HSPA14: variants seen among roughly 807,000 people sequenced by gnomAD.
The protein encoded by HSPA14 is heat shock protein family A (Hsp70) member 14.
HSPA14 carries 37 observed loss-of-function variants against 65.5 expected under a neutral mutation model. The observed-to-expected ratio is 0.56, with a 90% CI of 0.43 to 0.74. HSPA14 has a LOEUF of 0.74. Among genes scored for constraint, HSPA14 ranks in the 30% least tolerant of loss-of-function variants. The pLI is 0.00. For synonymous variants in HSPA14, 203 were observed against 214.2 expected (o/e 0.95, Z 0.46); for missense variants, 564 against 607.6 (o/e 0.93, Z 0.75).
intron 10 of HSPA14, among the ~76,000 whole-genome samples, chr10:14,860,787 G>T (rs750342614): frequency 3.3e-5 from 5 of 152,102 alleles, no homozygotes; most frequent in Non-Finnish European, 7.4e-5. Flanking sequence ...GGGGAGAGGG[G>T]TCTGGGCTGG....
At chr10:14,858,598 A>G (rs974947436) in intron 10 of HSPA14, among the ~76,000 whole-genome samples, 2 of 152,134 alleles carry the variant, frequency 1.3e-5, no homozygotes, top group Admixed American at 6.5e-5. Flanking sequence ...TGGGCCTTCG[A>G]TTAGATAGGT....
chr10:14,844,963 T>C (rs1051344130), intron 3 of HSPA14: 1 of 985,348 alleles, frequency 1.0e-6, no homozygotes, highest in Admixed American at 6.1e-5. Context: ...TCCTCAGATG[T>C]TGTAGACAGA....
chr10:14,856,854 A>C (rs927306998), intron 10 of HSPA14, among the ~76,000 whole-genome samples: 1 of 152,172 alleles, frequency 6.6e-6, no homozygotes, highest in Non-Finnish European at 1.5e-5. Context: ...GCAAGACCCC[A>C]TCTCACAAAT....
Position 14,842,410 on chromosome 10 carries a change from C to CT in HSPA14, c.221+2254dup. ...AGACTGTGCATCACAATGCAGATGT[C>CT]TATCAGGCTGTGTCTAAGCGAATGC... is the stretch of plus-strand genomic sequence containing the variant. On this transcript the variant is annotated intron_variant, in intron 3 of 13. Transcript: ENST00000378372. The surrounding 1 kb of genome is among the most constrained non-coding windows in gnomAD (Gnocchi z 5.2). 6.5e-7 allele frequency: 1 copy of CT among 1,536,186 alleles called. No homozygotes were observed. The highest frequency in any genetic ancestry group is 8.7e-7 in the Non-Finnish European group (1 of 1,146,918).
intron 10 of HSPA14, among the ~76,000 whole-genome samples, chr10:14,863,092 AGC>A (rs1832770626): frequency 6.6e-6 from 1 of 152,212 alleles, no homozygotes; most frequent in East Asian, 1.9e-4. Context: ...TGTATCTTAA[AGC>A]TATATAATGA....
chr10:14,842,141 T>C lies in HSPA14; in HGVS notation c.221+1984T>C, dbSNP rs1423978430. ...TCCCCTGTGGCCTTCCAGCCAGAAA[T>C]GCGGTCCTTGGACCTGGCTTCTCAG... On this transcript the variant is annotated intron_variant, in intron 3 of 13. Transcript: ENST00000378372. This position sits in a 1 kb window ranked among gnomAD's most constrained non-coding sequence, Gnocchi z 5.2. 2.0e-6 allele frequency: 3 copies of C among 1,534,154 alleles called. No individual in the cohort carries two copies. In the South Asian group the frequency reaches 3.6e-5, roughly 18 times the overall value.
rs766438111 is a variant in HSPA14 at position 14,871,637 on chromosome 10, CAAG to C, written c.*34_*36del. The C allele has an allele frequency of 8.6e-7, 1 of 1,167,982 alleles. No homozygotes were observed. Among genetic ancestry groups the C allele is most frequent in the Admixed American group, 2.1e-5 (1 of 47,080 alleles). 72.4% of individuals were successfully genotyped at this position (1,167,982 alleles called of 1,614,324 possible). ...TAGAGAAATCAAGAATTTTTAAAAA[CAAG>C]AATATCAACATTTGGTTTTGTGTAT... On this transcript the variant is annotated 3_prime_UTR_variant, in exon 14 of 14. Transcript: ENST00000378372.
intron 5 of HSPA14, 89 bp from the exon 6 acceptor site, chr10:14,849,632 T>G: frequency 9.5e-7 from 1 of 1,051,910 alleles, no homozygotes. Context: ...ATATGTTAAG[T>G]GAGATCTTTG....
intron 3 of HSPA14, chr10:14,844,724 A>G (rs1834024957): frequency 5.2e-6 from 5 of 964,186 alleles, no homozygotes; most frequent in Non-Finnish European, 4.9e-6. Flanking sequence ...AAAATATTAA[A>G]TATATGTAAA....
chr10:14,843,524 C>T (rs1834002556), intron 3 of HSPA14: 3 of 1,550,570 alleles, frequency 1.9e-6, no homozygotes, highest in Non-Finnish European at 1.7e-6. Context: ...GGGGTAGCCT[C>T]CACACCGCAG....
Position 14,854,182 on chromosome 10 carries a change from T to A in HSPA14, c.792T>A (p.Ser264Arg). 1 of 1,613,768 alleles carries A rather than the reference T, an allele frequency of 6.2e-7. No individual in the cohort carries two copies. The highest frequency in any genetic ancestry group is 1.7e-5 in the Admixed American group (1 of 59,916). The change falls in exon 9 of 14, where the codon AGT (serine) becomes AGA (arginine). Residue 264 changes from serine to arginine, a missense_variant. Coordinates refer to ENST00000378372, the MANE Select transcript of HSPA14 (RefSeq NM_016299.4). Reference protein sequence around the residue: ...NARAMMKLTNSAEVAKHSLST... With the variant: ...NARAMMKLTNRAEVAKHSLST... ...GAGCCATGATGAAATTAACGAACAG[T>A]GCTGAAGTAGCGAAACATTCTTTGT...
chr10:14,866,689 G>T (rs1287099635), intron 10 of HSPA14, among the ~76,000 whole-genome samples: 1 of 151,984 alleles, frequency 6.6e-6, no homozygotes, highest in East Asian at 1.9e-4. Flanking sequence ...AGCAATATTT[G>T]TCACAAAAAT....
intron 3 of HSPA14, chr10:14,846,790 C>T: frequency 1.0e-6 from 1 of 985,384 alleles, no homozygotes; most frequent in Non-Finnish European, 1.2e-6. Context: ...GTGTGCCAAG[C>T]CCGTGGGCTG....
At chr10:14,860,844 C>A (rs994934873) in intron 10 of HSPA14, among the ~76,000 whole-genome samples, 2 of 152,054 alleles carry the variant, frequency 1.3e-5, no homozygotes, top group African/African-American at 4.8e-5. Context: ...TGAAACTGGA[C>A]AGGTGTACCC....
At chr10:14,843,848 G>A in intron 3 of HSPA14, 2 of 1,536,378 alleles carry the variant, frequency 1.3e-6, no homozygotes, top group Admixed American at 3.9e-5. Flanking sequence ...TTTCAGCTAG[G>A]CCTTGAAAAA....
intron 6 of HSPA14, 57 bp downstream of exon 6, chr10:14,849,868 A>C: frequency 9.8e-7 from 1 of 1,023,584 alleles, no homozygotes. Flanking sequence ...AAGTCACTAT[A>C]TAGTAAAAGG....
Position 14,870,396 on chromosome 10 carries a change from T to C in HSPA14, c.1381-201T>C, listed in dbSNP as rs111785537. Among the ~76,000 whole-genome samples the C allele has an allele frequency of 7.0e-3, 1,064 of 152,304 alleles. 5 individuals carry two copies. Among genetic ancestry groups the C allele is most frequent in the South Asian group, 0.015 (72 of 4,816 alleles). On this transcript the variant is annotated intron_variant, in intron 12 of 13. Transcript: ENST00000378372. Reference sequence around the variant, plus strand: ...CATTAGTTATCTTATATGCCCTCCTTCTGGAGGAAACATTTCAAGTTAACA... The same window carrying C: ...CATTAGTTATCTTATATGCCCTCCTCCTGGAGGAAACATTTCAAGTTAACA...
intron 10 of HSPA14, among the ~76,000 whole-genome samples, 186 bp downstream of exon 10, chr10:14,856,129 A>C (rs12771341): frequency 2.0e-5 from 3 of 152,218 alleles, no homozygotes; most frequent in Non-Finnish European, 2.9e-5. Context: ...GTATATATTC[A>C]GTTTCCTAGC....
chr10:14,838,434 C>A lies in HSPA14; in HGVS notation c.32C>A (p.Thr11Asn). The change falls in exon 1 of 14, where the codon ACC (threonine) becomes AAC (asparagine). Residue 11 changes from threonine (T) to asparagine (N), a missense_variant. By Grantham distance (65) the Thr-to-Asn change is moderately conservative. Transcript: ENST00000378372. ...GCCATCGGAGTTCACCTGGGCTGCACCTCAGCCTGTGTGGCCGTCTATAAG... is the reference window on the plus strand; with the variant it reads ...GCCATCGGAGTTCACCTGGGCTGCAACTCAGCCTGTGTGGCCGTCTATAAG... MAAIGVHLGC[T>N]SACVAVYKDG... 1.2e-6 allele frequency: 2 copies of A among 1,606,554 alleles called. No homozygotes were observed. The highest frequency in any genetic ancestry group is 4.5e-5 in the East Asian group (2 of 44,748).
Sources: gnomAD v4.1 joint callset for allele counts (sites outside exome capture counted in the v4.1 genomes callset) on GRCh38, gnomAD v4.1.1 for gene constraint, Gnocchi (gnomAD v3.1) non-coding constraint, MANE v1.5 for transcripts, NCBI Gene and HGNC (gene_info 2026-07-23, HGNC 2026-07-21) for gene names.